The following KIAA0825 variants were observed in gnomAD, a reference collection of about 807,000 sequenced individuals.
KIAA0825 encodes the protein KIAA0825.
In KIAA0825, 119 loss-of-function variants were observed where a neutral mutation model predicts 147.6. The observed-to-expected ratio is 0.81, with a 90% CI of 0.69 to 0.94. The LOEUF is 0.94. KIAA0825 is among the 40% of genes least tolerant of loss of function. The pLI is 0.00. For synonymous variants in KIAA0825, 470 were observed against 518.1 expected (o/e 0.91, Z 1.26); for missense variants, 1,381 against 1,472.7 (o/e 0.94, Z 1.02).
In KIAA0825 at chr5:94,595,999, C is replaced by A. The variant is rs1477718232; in HGVS notation, c.-152-13416G>T. On this transcript the variant is annotated intron_variant, in intron 1 of 20. Coordinates refer to ENST00000682413, the MANE Select transcript of KIAA0825 (RefSeq NM_001145678.3). Reference sequence around the variant, plus strand: ...GAACACCTCAGCCTGGACTTTATTGCCAGATGTATAGTTTGCAAATATTTT... The same window carrying A: ...GAACACCTCAGCCTGGACTTTATTGACAGATGTATAGTTTGCAAATATTTT... Among the ~76,000 whole-genome samples the A allele has an allele frequency of 3.9e-5, 6 of 152,144 alleles. No individual in the cohort carries two copies. The East Asian group carries it at 1.2e-3, about 29-fold the overall frequency.
At chr5:94,396,017 C>T in intron 17 of KIAA0825, 84 bp downstream of exon 17, 1 of 1,236,240 alleles carries the variant, frequency 8.1e-7, no homozygotes. Flanking sequence ...TGCTGCCCAT[C>T]TGACAATATA....
chr5:94,213,763 G>T (rs976777117), intron 20 of KIAA0825, among the ~76,000 whole-genome samples: 7 of 152,074 alleles, frequency 4.6e-5, no homozygotes, highest in African/African-American at 7.2e-5. Context: ...CTCTAGCCTG[G>T]CCTGGCCAAC....
intron 20 of KIAA0825, among the ~76,000 whole-genome samples, chr5:94,303,379 A>G (rs1778524634): frequency 6.6e-6 from 1 of 151,798 alleles, no homozygotes; most frequent in Non-Finnish European, 1.5e-5. Context: ...CAACTGGTCC[A>G]TATATTAGGG....
In KIAA0825 at chr5:94,396,434, G is replaced by A. The variant is rs1436167751; in HGVS notation, c.2963C>T (p.Pro988Leu). The change falls in exon 17 of 21, where the codon CCC becomes CTC. Residue 988 changes from proline to leucine, a missense_variant. Pro to Leu is a moderately conservative substitution (Grantham distance 98). Transcript: ENST00000682413. Reference protein sequence around the residue: ...KLPTVIACLPPPVKYFFFLSE... With the variant: ...KLPTVIACLPLPVKYFFFLSE... ...CAGAAAAAAGAAGTATTTAACTGGG[G>A]GAGGCAAACATGCAATCACCGTAGG... 1.3e-6 allele frequency: 2 copies of A among 1,546,656 alleles called. No individual in the cohort carries two copies. The highest frequency in any genetic ancestry group is 2.7e-5 in the African/African-American group (2 of 72,826).
At chr5:94,505,509 A>G (rs1234415261) in intron 5 of KIAA0825, among the ~76,000 whole-genome samples, 3 of 152,176 alleles carry the variant, frequency 2.0e-5, no homozygotes, top group Admixed American at 2.0e-4. Context: ...GCCCCCCTAC[A>G]CCACCAATAA....
chr5:94,238,993 T>G (rs1408997565), intron 20 of KIAA0825, among the ~76,000 whole-genome samples: 1 of 152,212 alleles, frequency 6.6e-6, no homozygotes, highest in East Asian at 1.9e-4. Flanking sequence ...AACTTTTGGT[T>G]TCTACCTTTG....
intron 12 of KIAA0825, among the ~76,000 whole-genome samples, chr5:94,461,557 A>G (rs1759836376): frequency 6.6e-6 from 1 of 151,960 alleles, no homozygotes; most frequent in South Asian, 2.1e-4. Flanking sequence ...TCTGTAAACA[A>G]TGGGTTTATT....
intron 2 of KIAA0825, among the ~76,000 whole-genome samples, chr5:94,547,753 G>A (rs532414307): frequency 1.1e-4 from 12 of 112,390 alleles, no homozygotes; most frequent in South Asian, 8.0e-4. Flanking sequence ...AAAAAGAATC[G>A]TAAAAGCAGC....
chr5:94,615,154 C>T (rs1306508649), intron 1 of KIAA0825, among the ~76,000 whole-genome samples: 9 of 151,618 alleles, frequency 5.9e-5, no homozygotes, highest in African/African-American at 1.9e-4. Flanking sequence ...ATGTGGAAGA[C>T]GTGAACACAT....
chr5:94,327,750 G>C (rs181730124), intron 20 of KIAA0825, among the ~76,000 whole-genome samples: 71 of 152,238 alleles, frequency 4.7e-4, no homozygotes, highest in African/African-American at 1.5e-3. Context: ...GCTCATGCCT[G>C]TAATCCCAAC....
intron 1 of KIAA0825, among the ~76,000 whole-genome samples, chr5:94,603,852 G>A (rs1234169973): frequency 6.6e-6 from 1 of 152,102 alleles, no homozygotes; most frequent in African/African-American, 2.4e-5. Context: ...AATGGTAAAG[G>A]GTTCGATTCA....
intron 2 of KIAA0825, among the ~76,000 whole-genome samples, chr5:94,577,087 AT>A (rs1313596524): frequency 6.6e-6 from 1 of 151,938 alleles, no homozygotes; most frequent in African/African-American, 2.4e-5. Context: ...TCATTTTTTC[AT>A]TTTTTTCCTT....
At chr5:94,550,836 T>C (rs1274921151) in intron 2 of KIAA0825, among the ~76,000 whole-genome samples, 1 of 143,566 alleles carries the variant, frequency 7.0e-6, no homozygotes, top group Non-Finnish European at 1.5e-5. Flanking sequence ...AGCGAGACTC[T>C]ATGTCAAAAA....
At chr5:94,397,091 AC>A (rs1750761736) in intron 16 of KIAA0825, among the ~76,000 whole-genome samples, 1 of 151,424 alleles carries the variant, frequency 6.6e-6, no homozygotes, top group African/African-American at 2.4e-5. Context: ...TTATTATAGC[AC>A]TCCCCATCAT....
rs547044501 is a variant in KIAA0825 at position 94,465,458 on chromosome 5, C to A, written c.1873-399G>T. 1.6e-4 allele frequency among the ~76,000 whole-genome samples: 25 copies of A among 152,160 alleles called. 2 individuals carry two copies. The South Asian group carries it at 5.2e-3, about 32-fold the overall frequency. On this transcript the variant is annotated intron_variant, in intron 10 of 20. Transcript: ENST00000682413. ...ATTTCAGTAGGTATATTTTTCTGAGCCTATTAGCATCATTAAGGTAATTTT... is the reference window on the plus strand; with the variant it reads ...ATTTCAGTAGGTATATTTTTCTGAGACTATTAGCATCATTAAGGTAATTTT...
chr5:94,333,937 C>G (rs1781534743), intron 20 of KIAA0825, among the ~76,000 whole-genome samples: 1 of 152,086 alleles, frequency 6.6e-6, no homozygotes, highest in Non-Finnish European at 1.5e-5. Flanking sequence ...AACCACTGCT[C>G]AAGGAAATAC....
chr5:94,318,020 A>T (rs985771703), intron 20 of KIAA0825, among the ~76,000 whole-genome samples: 5 of 151,404 alleles, frequency 3.3e-5, no homozygotes, highest in Admixed American at 1.3e-4. Context: ...CAATTCTTAT[A>T]TACCATTTTT....
At chr5:94,360,637 G>A (rs1272635945) in intron 20 of KIAA0825, among the ~76,000 whole-genome samples, 1 of 152,174 alleles carries the variant, frequency 6.6e-6, no homozygotes, top group Non-Finnish European at 1.5e-5. Flanking sequence ...CTGTGACAGT[G>A]GACAAATGCC....
intron 20 of KIAA0825, among the ~76,000 whole-genome samples, chr5:94,202,648 G>C (rs985355213): frequency 2.0e-5 from 3 of 152,190 alleles, no homozygotes; most frequent in Non-Finnish European, 2.9e-5. Flanking sequence ...ACTGGGGCTG[G>C]TGCCATCTTA....
Sources: gnomAD v4.1 joint callset for allele counts (sites outside exome capture counted in the v4.1 genomes callset) on GRCh38, gnomAD v4.1.1 for gene constraint, MANE v1.5 for transcripts, NCBI Gene and HGNC (gene_info 2026-07-23, HGNC 2026-07-21) for gene names.